The following CYFIP1 variants were observed in gnomAD, a reference collection of about 807,000 sequenced individuals.
CYFIP1 encodes cytoplasmic FMR1 interacting protein 1.
Under a neutral mutation model 163.5 loss-of-function variants are expected in CYFIP1, and 58 were observed. That is an observed-to-expected ratio of 0.35 (90% CI 0.29 to 0.44). CYFIP1 has a LOEUF of 0.44. CYFIP1 is among the 20% of genes least tolerant of loss of function. The probability of loss-of-function intolerance (pLI) is 1.00; values close to 1 mark genes in which losing one functional copy is unlikely to be tolerated. For missense variants in CYFIP1, 1,338 were observed against 1,653.8 expected, an observed-to-expected ratio of 0.81 and a Z score of 3.31; for synonymous variants, 663 against 660.7, an observed-to-expected ratio of 1.00 and a Z score of -0.05.
chr15:22,884,987 A>C (rs930374800), intron 23 of CYFIP1, among the ~76,000 whole-genome samples: 1 of 60,272 alleles, frequency 1.7e-5, no homozygotes, highest in Non-Finnish European at 3.4e-5. Flanking sequence ...GAGGTGGGGG[A>C]GGGGGAACCA....
intron 1 of CYFIP1, among the ~76,000 whole-genome samples, chr15:22,949,157 T>C (rs950331631): frequency 1.3e-5 from 2 of 151,904 alleles, no homozygotes; most frequent in Admixed American, 1.3e-4. Context: ...GGAAAACAGA[T>C]CTTGAAAACA....
intron 1 of CYFIP1, among the ~76,000 whole-genome samples, chr15:22,950,239 C>A (rs2062203977): frequency 6.6e-6 from 1 of 152,110 alleles, no homozygotes; most frequent in Admixed American, 6.6e-5. Flanking sequence ...CAACCATATG[C>A]CATCTACAAG....
intron 5 of CYFIP1, among the ~76,000 whole-genome samples, chr15:22,943,739 T>C (rs758109542): frequency 5.3e-5 from 8 of 152,136 alleles, no homozygotes; most frequent in Non-Finnish European, 8.8e-5. Context: ...CAAAAATTCA[T>C]CTCCCAGTTA....
chr15:22,951,312 G>T, intron 1 of CYFIP1: 1 of 1,137,714 alleles, frequency 8.8e-7, no homozygotes, highest in Non-Finnish European at 1.1e-6. Flanking sequence ...AGAAACTCTC[G>T]TCCACTTCCC....
At chr15:22,872,232 T>G (rs746538604) in intron 30 of CYFIP1, among the ~76,000 whole-genome samples, 2 of 148,932 alleles carry the variant, frequency 1.3e-5, no homozygotes. Context: ...GCAGCAGAGA[T>G]TGCAGTGAGC....
intron 12 of CYFIP1, among the ~76,000 whole-genome samples, 163 bp downstream of exon 12, chr15:22,927,743 C>T (rs2061402909): frequency 6.6e-6 from 1 of 152,196 alleles, no homozygotes; most frequent in East Asian, 1.9e-4. Context: ...ATTTATTACA[C>T]ACATAAATGA....
At chr15:22,927,822 A>C in intron 12 of CYFIP1, 84 bp downstream of exon 12, 2 of 1,404,020 alleles carry the variant, frequency 1.4e-6, no homozygotes, top group Non-Finnish European at 1.9e-6. Flanking sequence ...GGCCAAAGAT[A>C]AAAAGCCCAA....
At chr15:22,964,321 G>C (rs1293783431) in intron 1 of CYFIP1, among the ~76,000 whole-genome samples, 8 of 58,948 alleles carry the variant, frequency 1.4e-4, no homozygotes, top group African/African-American at 4.7e-4. Flanking sequence ...CACAACTGGC[G>C]GCCCCACCAG....
At chr15:22,895,773 A>C (rs1277223666) in intron 22 of CYFIP1, among the ~76,000 whole-genome samples, 1 of 152,174 alleles carries the variant, frequency 6.6e-6, no homozygotes, top group African/African-American at 2.4e-5. Context: ...CCAGTGATTC[A>C]GTCAACTGTG....
intron 1 of CYFIP1, among the ~76,000 whole-genome samples, chr15:22,960,273 C>G (rs1057453727): frequency 2.6e-5 from 4 of 152,240 alleles, no homozygotes; most frequent in Non-Finnish European, 5.9e-5. Context: ...ACACCAGCAT[C>G]AACCTCACCA....
chr15:22,919,367 CCT>C (rs1466896964), intron 13 of CYFIP1, among the ~76,000 whole-genome samples: 2 of 152,198 alleles, frequency 1.3e-5, no homozygotes, highest in Non-Finnish European at 2.9e-5. Flanking sequence ...TCATTATTTC[CCT>C]GTTTCCAGAC....
chr15:22,968,226 C>G (rs1325747678), intron 1 of CYFIP1, among the ~76,000 whole-genome samples: 1 of 152,178 alleles, frequency 6.6e-6, no homozygotes, highest in Non-Finnish European at 1.5e-5. Context: ...TATGTGTCAA[C>G]TTGGCCAGGC....
In CYFIP1 at chr15:22,917,035, C is replaced by T. The variant is rs1268540028; in HGVS notation, c.1675-405G>A. On this transcript the variant is annotated intron_variant, in intron 15 of 30. Coordinates refer to ENST00000617928, the MANE Select transcript of CYFIP1 (RefSeq NM_014608.6). This position sits in a 1 kb window ranked among gnomAD's most constrained non-coding sequence, Gnocchi z 4.2. ...ATGGTGCGCACCAGGTAGAGCTAGA[C>T]ACGGACAGACAGGAGGGAGAGGCAG... The T allele has an allele frequency of 1.3e-6, 2 of 1,533,332 alleles. No individual in the cohort carries two copies. Among genetic ancestry groups the T allele is most frequent in the Non-Finnish European group, 1.8e-6 (2 of 1,138,448 alleles). 95.0% of individuals were successfully genotyped at this position (1,533,332 alleles called of 1,614,324 possible).
In CYFIP1 at chr15:22,939,376, G is replaced by A. The variant is rs768220888; in HGVS notation, c.666+35C>T. The A allele has an allele frequency of 3.1e-6, 5 of 1,613,942 alleles. No homozygotes were observed. In the Admixed American group the frequency reaches 5.0e-5, roughly 16 times the overall value. ...GGCCCGGCGCCCGGCCGGCTGCTTG[G>A]CCCATCAACCTGAGTGTGCAAACAC... is the stretch of plus-strand genomic sequence containing the variant. On this transcript the variant is annotated intron_variant, in intron 7 of 30. Transcript: ENST00000617928.
At chr15:22,875,302 G>C in intron 26 of CYFIP1, 31 bp from the exon 27 acceptor site, 1 of 1,600,724 alleles carries the variant, frequency 6.2e-7, no homozygotes. Context: ...GTCAAGCTAG[G>C]AAGGGTATCT....
At chr15:22,962,432 CTT>C (rs1341614348) in intron 1 of CYFIP1, among the ~76,000 whole-genome samples, 1 of 144,048 alleles carries the variant, frequency 6.9e-6, no homozygotes, top group Non-Finnish European at 1.5e-5. Flanking sequence ...GAGTTTTGCT[CTT>C]GTTGCCCACG....
chr15:22,972,527 C>T (rs2063137878), intron 1 of CYFIP1, among the ~76,000 whole-genome samples: 1 of 152,234 alleles, frequency 6.6e-6, no homozygotes, highest in South Asian at 2.1e-4. Flanking sequence ...ACCAATGGAA[C>T]AGAATAGAGC....
rs74003077 is a variant in CYFIP1, at chr15:22,903,421, A to G, written c.2588+285T>C. ...CACTCCAACATGCCAGCACGGAAGC[A>G]TAAGAAGCAGACTCACCCCACTTCC... On this transcript the variant is annotated intron_variant, in intron 22 of 30. Transcript: ENST00000617928. Among the ~76,000 whole-genome samples, 1,119 of 152,314 alleles carry G rather than the reference A, an allele frequency of 7.3e-3. 11 individuals carry two copies. The highest frequency in any genetic ancestry group is 0.025 in the African/African-American group (1,051 of 41,564).
chr15:22,933,469 C>T (rs867193155), intron 10 of CYFIP1, among the ~76,000 whole-genome samples: 22 of 151,962 alleles, frequency 1.4e-4, no homozygotes, highest in Admixed American at 6.6e-4. Context: ...CGCCCACCAC[C>T]ACGCCCGGCT....
Sources: gnomAD v4.1 joint callset for allele counts (sites outside exome capture counted in the v4.1 genomes callset) on GRCh38, gnomAD v4.1.1 for gene constraint, Gnocchi (gnomAD v3.1) non-coding constraint, MANE v1.5 for transcripts, NCBI Gene and HGNC (gene_info 2026-07-23, HGNC 2026-07-21) for gene names.